PNLIP: variants seen among roughly 807,000 people sequenced by gnomAD.
PNLIP encodes pancreatic lipase, also known as pancreatic triacylglycerol lipase.
In PNLIP, 49 loss-of-function variants were observed where a neutral mutation model predicts 57.1. The ratio of observed to expected loss-of-function variants is 0.86; its 90% CI spans 0.68 to 1.09. The LOEUF is 1.09. PNLIP is among the 50% of genes least tolerant of loss of function. The pLI is 0.00. For missense variants in PNLIP, 503 were observed against 570.2 expected, an observed-to-expected ratio of 0.88 and a Z score of 1.20; for synonymous variants, 209 against 200.4, an observed-to-expected ratio of 1.04 and a Z score of -0.36.
intron 10 of PNLIP, among the ~76,000 whole-genome samples, 175 bp downstream of exon 10, chr10:116,559,458 C>T (rs922694949): frequency 2.6e-5 from 4 of 152,104 alleles, no homozygotes; most frequent in Admixed American, 6.6e-5. Flanking sequence ...GGTGGCAGAA[C>T]GGAGTTTGGG....
chr10:116,558,727 C>A (rs531622811), intron 9 of PNLIP, among the ~76,000 whole-genome samples: 1 of 151,368 alleles, frequency 6.6e-6, no homozygotes, highest in South Asian at 2.1e-4. Context: ...TGGATTCAAG[C>A]GATTCTCCTG....
intron 12 of PNLIP, among the ~76,000 whole-genome samples, chr10:116,566,936 G>A (rs1207081160): frequency 2.0e-5 from 3 of 151,998 alleles, no homozygotes; most frequent in African/African-American, 7.2e-5. Flanking sequence ...ATATTCCAAA[G>A]CATCCTAAGT....
At chr10:116,567,702 A>G (rs377376581) in intron 12 of PNLIP, 33 bp from the exon 13 acceptor site, 6 of 1,573,602 alleles carry the variant, frequency 3.8e-6, no homozygotes, top group African/African-American at 2.7e-5. Flanking sequence ...TGCCAGGAAG[A>G]GGAGGTGACT....
intron 6 of PNLIP, 78 bp from the exon 7 acceptor site, chr10:116,555,100 C>A: frequency 6.7e-7 from 1 of 1,496,308 alleles, no homozygotes; most frequent in Non-Finnish European, 9.3e-7. Flanking sequence ...CATCCCTTTC[C>A]ATGCATAACT....
At chr10:116,558,825 A>G (rs1025868504) in intron 9 of PNLIP, among the ~76,000 whole-genome samples, 2 of 151,694 alleles carry the variant, frequency 1.3e-5, no homozygotes, top group African/African-American at 4.8e-5. Flanking sequence ...GGGTTTCACC[A>G]TGTTGGTCAG....
rs1847290255 is a variant in PNLIP at position 116,559,362 on chromosome 10, G to A, written c.1060+79G>A. On this transcript the variant is annotated intron_variant, in intron 10 of 12. Transcript: ENST00000369221. Reference sequence around the variant, plus strand: ...ATGTCCACTGAAAATGTGCATACTTGCTTTTCTATACAAAAGCTTTAAACA... The same window carrying A: ...ATGTCCACTGAAAATGTGCATACTTACTTTTCTATACAAAAGCTTTAAACA... 6 of 1,113,550 alleles carry A rather than the reference G, an allele frequency of 5.4e-6. No homozygotes were observed. The Admixed American group carries it at 1.3e-4, about 24-fold the overall frequency. 69.0% of individuals were successfully genotyped at this position (1,113,550 alleles called of 1,614,324 possible).
At chr10:116,550,127 T>G (rs575550514) in intron 4 of PNLIP, among the ~76,000 whole-genome samples, 3 of 149,522 alleles carry the variant, frequency 2.0e-5, no homozygotes, top group African/African-American at 4.9e-5. Context: ...GGCGCGATCT[T>G]GGCTCACTGC....
chr10:116,548,082 C>A (rs923333817), intron 3 of PNLIP, among the ~76,000 whole-genome samples: 2 of 151,962 alleles, frequency 1.3e-5, no homozygotes, highest in African/African-American at 4.8e-5. Flanking sequence ...CACACGCACA[C>A]ACACACACAC....
chr10:116,551,951 A>G (rs913668183), intron 5 of PNLIP, among the ~76,000 whole-genome samples: 13 of 152,350 alleles, frequency 8.5e-5, no homozygotes, highest in Admixed American at 2.0e-4. Context: ...AAGGACGTGT[A>G]GGTCAATGAT....
Position 116,547,635 on chromosome 10 carries a change from AG to A in PNLIP, c.201+189del, listed in dbSNP as rs771504563. On this transcript the variant is annotated intron_variant, in intron 3 of 12. Coordinates refer to ENST00000369221, the MANE Select transcript of PNLIP (RefSeq NM_000936.4). ...CAGCTACTCGGGAAACTGAAGCAGG[AG>A]GATGGCGTGAACCCGGGAGGCAGAG... 2.7e-5 allele frequency among the ~76,000 whole-genome samples: 4 copies of A among 147,544 alleles called. No homozygotes were observed. The South Asian group carries it at 6.8e-4, about 25-fold the overall frequency.
intron 8 of PNLIP, 44 bp downstream of exon 8, chr10:116,555,551 T>C (rs201537999): frequency 3.4e-5 from 55 of 1,595,230 alleles, no homozygotes; most frequent in Admixed American, 1.8e-4. Flanking sequence ...GGGAGAAAGC[T>C]TGTGTTTTGT....
At position 116,553,735 on chromosome 10, in the gene PNLIP, C is replaced by T. The variant is rs111790567; in HGVS notation, c.468C>T (p.Phe156=). 538 of 1,608,700 alleles carry T rather than the reference C, an allele frequency of 3.3e-4. 2 individuals carry two copies. The African/African-American group carries it at 5.7e-3, about 17-fold the overall frequency. Residue 156 remains phenylalanine (F), a synonymous_variant, in exon 6 of 13, where the codon TTC becomes TTT. Coordinates refer to ENST00000369221, the MANE Select transcript of PNLIP (RefSeq NM_000936.4). ...AYFVEFLQSA[F]GYSPSNVHVI... Reference sequence around the variant, plus strand: ...GGTTTTCTTTCCGACAGTCGGCGTTCGGTTACTCACCTTCCAATGTGCATG... The same window carrying T: ...GGTTTTCTTTCCGACAGTCGGCGTTTGGTTACTCACCTTCCAATGTGCATG...
At chr10:116,566,696 A>G (rs1187077764) in intron 12 of PNLIP, among the ~76,000 whole-genome samples, 1 of 152,196 alleles carries the variant, frequency 6.6e-6, no homozygotes, top group Non-Finnish European at 1.5e-5. Context: ...GTTTGACTCT[A>G]CAAAATTCTT....
chr10:116,549,404 G>A (rs183570373), intron 4 of PNLIP, among the ~76,000 whole-genome samples: 12 of 152,134 alleles, frequency 7.9e-5, no homozygotes, highest in East Asian at 5.8e-4. Context: ...GCTTGAACCC[G>A]GGAGGCAGAG....
Position 116,555,211 on chromosome 10 carries a change from C to T in PNLIP, c.605C>T (p.Thr202Ile). The T allele has an allele frequency of 6.2e-7, 1 of 1,613,968 alleles. No individual in the cohort carries two copies. The highest frequency in any genetic ancestry group is 8.5e-7 in the Non-Finnish European group (1 of 1,179,832). The change falls in exon 7 of 13, where the codon ACA becomes ATA. Residue 202 changes from threonine (T) to isoleucine (I), a missense_variant. By Grantham distance (89) the Thr-to-Ile change is moderately conservative. Coordinates refer to ENST00000369221, the MANE Select transcript of PNLIP (RefSeq NM_000936.4). ...CCAGCAGAACCTTGCTTTCAGGGCA[C>T]ACCTGAATTAGTCCGATTGGACCCC... ...LDPAEPCFQG[T>I]PELVRLDPSD...
intron 12 of PNLIP, among the ~76,000 whole-genome samples, chr10:116,564,765 C>T (rs1847346426): frequency 6.6e-6 from 1 of 152,060 alleles, no homozygotes; most frequent in Admixed American, 6.5e-5. Flanking sequence ...TGAAAATATA[C>T]TATTGGAAGG....
chr10:116,558,616 C>T (rs1209200092), intron 9 of PNLIP, among the ~76,000 whole-genome samples: 2 of 151,746 alleles, frequency 1.3e-5, no homozygotes, highest in Non-Finnish European at 2.9e-5. Context: ...CACATATTCT[C>T]TCATTGTATG....
intron 9 of PNLIP, among the ~76,000 whole-genome samples, chr10:116,558,806 G>T (rs1764479505): frequency 6.6e-6 from 1 of 151,778 alleles, no homozygotes; most frequent in Admixed American, 6.6e-5. Context: ...TGCATTTTTA[G>T]TAGAGACGGG....
chr10:116,547,869 G>A (rs563553256), intron 3 of PNLIP, among the ~76,000 whole-genome samples: 1 of 151,896 alleles, frequency 6.6e-6, no homozygotes, highest in South Asian at 2.1e-4. Context: ...CTGAGCTTAG[G>A]TATTACTTAA....
Sources: allele counts gnomAD v4.1 joint callset (sites outside exome capture counted in the v4.1 genomes callset), GRCh38; gene constraint gnomAD v4.1.1; transcripts MANE v1.5; gene names NCBI Gene and HGNC (gene_info 2026-07-23, HGNC 2026-07-21).